WNK3: variants seen among roughly 807,000 people sequenced by gnomAD.
The protein encoded by WNK3 is WNK lysine deficient protein kinase 3, also known as serine/threonine-protein kinase WNK3.
A neutral mutation model predicts 116.7 loss-of-function variants in WNK3; 18 were observed. The observed-to-expected ratio is 0.15, with a 90% CI of 0.11 to 0.23. The LOEUF (loss-of-function observed/expected upper bound fraction) is 0.23. Among genes scored for constraint, WNK3 ranks in the 10% least tolerant of loss-of-function variants. WNK3 has a pLI of 1.00. For missense variants in WNK3, 993 were observed against 1,323.8 expected, an observed-to-expected ratio of 0.75 and a Z score of 3.88; for synonymous variants, 404 against 469.4, an observed-to-expected ratio of 0.86 and a Z score of 1.80.
chrX:54,324,635 T>C (rs188397766), intron 2 of WNK3, among the ~76,000 whole-genome samples: 9 of 112,549 alleles, frequency 8.0e-5, no homozygotes, highest in Non-Finnish European at 1.3e-4. Context: ...TGTCCATGAC[T>C]GAATTCTACT....
intron 1 of WNK3, among the ~76,000 whole-genome samples, chrX:54,343,241 G>T (rs2069354870): frequency 9.0e-6 from 1 of 110,899 alleles, no homozygotes; most frequent in Non-Finnish European, 1.9e-5. Flanking sequence ...GGGCGCGGTG[G>T]CTCATGCCTG....
intron 2 of WNK3, among the ~76,000 whole-genome samples, chrX:54,323,035 C>T (rs2069057034): frequency 9.0e-6 from 1 of 111,166 alleles, no homozygotes; most frequent in Admixed American, 9.7e-5. Context: ...CCAACGGATG[C>T]TAAAATCAGC....
At chrX:54,341,907 GA>G (rs1332179226) in intron 1 of WNK3, among the ~76,000 whole-genome samples, 1 of 111,654 alleles carries the variant, frequency 9.0e-6, no homozygotes, top group Non-Finnish European at 1.9e-5. Flanking sequence ...GAAAATCATT[GA>G]CTTTTATATT....
chrX:54,225,183 T>C (rs2067820568), intron 22 of WNK3, among the ~76,000 whole-genome samples: 1 of 107,880 alleles, frequency 9.3e-6, no homozygotes, highest in South Asian at 4.2e-4. Context: ...ACCAGGAGGT[T>C]GAGGCTGCAG....
intron 2 of WNK3, among the ~76,000 whole-genome samples, chrX:54,312,514 T>G (rs1162367951): frequency 3.6e-5 from 4 of 110,419 alleles, no homozygotes; most frequent in African/African-American, 9.9e-5. Context: ...CTCAGCTTAC[T>G]GCAACCTCTG....
intron 7 of WNK3, among the ~76,000 whole-genome samples, chrX:54,295,203 A>AG (rs2068685173): frequency 2.8e-5 from 3 of 106,378 alleles, no homozygotes; most frequent in African/African-American, 1.0e-4. Flanking sequence ...GCCAATTTTA[A>AG]CTTTTTTTTT....
At chrX:54,224,782 G>A (rs1347214283) in intron 22 of WNK3, among the ~76,000 whole-genome samples, 2 of 110,476 alleles carry the variant, frequency 1.8e-5, no homozygotes, top group Admixed American at 9.7e-5. Flanking sequence ...TGTTAGCCAG[G>A]AGGGTCTTGA....
Position 54,214,251 on chromosome X carries a change from T to G in WNK3, c.4871-12058A>C, listed in dbSNP as rs781841329. Among the ~76,000 whole-genome samples, 536 of 111,478 alleles carry G rather than the reference T, an allele frequency of 4.8e-3. 2 individuals carry two copies. Among genetic ancestry groups the G allele is most frequent in the African/African-American group, 0.016 (504 of 30,673 alleles). ...TCCCGCCTTGGCCTCCCAAAGTGCT[T>G]GGATTACAGCCGTGAGCCACCAAGC... On this transcript the variant is annotated intron_variant, in intron 22 of 23. Transcript: ENST00000354646.
At chrX:54,334,342 T>C (rs1311800178) in intron 1 of WNK3, among the ~76,000 whole-genome samples, 1 of 111,690 alleles carries the variant, frequency 9.0e-6, no homozygotes, top group Non-Finnish European at 1.9e-5. Context: ...TCATCCCAAA[T>C]TGAAACTCTG....
At chrX:54,257,016 G>C (rs1485683273) in intron 11 of WNK3, among the ~76,000 whole-genome samples, 5 of 112,043 alleles carry the variant, frequency 4.5e-5, no homozygotes, top group Admixed American at 2.9e-4. Context: ...TAATGTAGTA[G>C]ACAATGACAG....
At chrX:54,251,776 G>A in intron 13 of WNK3, 89 bp from the exon 14 acceptor site, 1 of 945,622 alleles carries the variant, frequency 1.1e-6, no homozygotes, top group Non-Finnish European at 1.4e-6. Flanking sequence ...CATAAAGAAA[G>A]AAAATTGGGC....
At chrX:54,344,271 G>A (rs1347081597) in intron 1 of WNK3, among the ~76,000 whole-genome samples, 1 of 110,076 alleles carries the variant, frequency 9.1e-6, no homozygotes, top group South Asian at 3.8e-4. Context: ...ATGAAACCCC[G>A]TCTCTACTAA....
chrX:54,213,553 C>CAAAAAAAA (rs782580375), intron 22 of WNK3, among the ~76,000 whole-genome samples: 4 of 14,267 alleles, frequency 2.8e-4, no homozygotes, highest in African/African-American at 2.3e-3. Context: ...GACTCCGTCT[C>CAAAAAAAA]AAAAAAAAAA....
intron 12 of WNK3, 22 bp from the exon 13 acceptor site, chrX:54,254,097 G>A: frequency 5.6e-6 from 6 of 1,067,138 alleles, no homozygotes; most frequent in Non-Finnish European, 7.8e-6. Context: ...CATTTTACCG[G>A]TTTAAGAGTC....
At chrX:54,301,845 G>A in exon 6 of WNK3, 1 of 1,208,915 alleles carries the variant, frequency 8.3e-7, no homozygotes, top group South Asian at 1.8e-5. Context: ...TATTGAAGCT[G>A]GCTGGTTTTA....
Position 54,318,785 on chromosome X carries a change from C to CT in WNK3, c.538-7495dup, listed in dbSNP as rs1298471338. Among the ~76,000 whole-genome samples the CT allele has an allele frequency of 3.2e-4, 34 of 106,263 alleles. No homozygotes were observed. In the South Asian group the frequency reaches 5.0e-3, roughly 16 times the overall value. The allele number at this position is 106,263 out of a possible 115,157, so 92.3% of individuals were successfully genotyped here. A position where few individuals can be genotyped will look rare whatever the true frequency, so the allele number is the denominator to read the frequency against. ...TACTATCTGGCCTAATAAGTCTTTT[C>CT]TTTTTTTTTTGAGATGGAGTCTTGC... is the stretch of plus-strand genomic sequence containing the variant. On this transcript the variant is annotated intron_variant, in intron 2 of 23. Coordinates refer to ENST00000354646, the Ensembl canonical transcript of WNK3.
At chrX:54,230,546 G>A (rs2146840200) in intron 21 of WNK3, among the ~76,000 whole-genome samples, 1 of 111,990 alleles carries the variant, frequency 8.9e-6, no homozygotes, top group African/African-American at 3.2e-5. Flanking sequence ...AGAAAAACTG[G>A]AAGTCTCGCA....
At chrX:54,221,608 G>A (rs782670372) in intron 22 of WNK3, among the ~76,000 whole-genome samples, 3 of 111,282 alleles carry the variant, frequency 2.7e-5, no homozygotes, top group East Asian at 2.8e-4. Context: ...CGAGGCGGGC[G>A]GATCACCTGA....
At chrX:54,323,511 C>T (rs1318730751) in intron 2 of WNK3, among the ~76,000 whole-genome samples, 3 of 110,928 alleles carry the variant, frequency 2.7e-5, no homozygotes, top group Non-Finnish European at 5.7e-5. Context: ...AATAAAAATA[C>T]AAGATATTAA....
Sources: allele counts gnomAD v4.1 joint callset (sites outside exome capture counted in the v4.1 genomes callset), GRCh38; gene constraint gnomAD v4.1.1; transcripts MANE v1.5; gene names NCBI Gene and HGNC (gene_info 2026-07-23, HGNC 2026-07-21).